The following WNT7A variants were observed in gnomAD, a reference collection of about 807,000 sequenced individuals.
The protein encoded by WNT7A is protein Wnt-7a.
In WNT7A, 16 loss-of-function variants were observed where a neutral mutation model predicts 28.2. The ratio of observed to expected loss-of-function variants is 0.57; its 90% CI spans 0.38 to 0.86. The LOEUF is 0.86. Ranked by LOEUF, WNT7A falls within the 40% of genes least tolerant of loss-of-function variation. The pLI, the probability that WNT7A is intolerant of heterozygous loss-of-function variation, is 0.00. For missense variants in WNT7A, 411 were observed against 489.7 expected, an observed-to-expected ratio of 0.84 and a Z score of 1.52; for synonymous variants, 190 against 195.9, an observed-to-expected ratio of 0.97 and a Z score of 0.25.
chr3:13,842,333 G>A (rs1255923213), intron 3 of WNT7A, among the ~76,000 whole-genome samples: 1 of 151,208 alleles, frequency 6.6e-6, no homozygotes, highest in Non-Finnish European at 1.5e-5. Context: ...TAAGGGAATT[G>A]TTTTGCTACT....
chr3:13,868,316 C>T (rs1694942742), intron 2 of WNT7A, among the ~76,000 whole-genome samples: 1 of 151,860 alleles, frequency 6.6e-6, no homozygotes, highest in African/African-American at 2.4e-5. Flanking sequence ...CACAGTGAGA[C>T]CCGTCTCTAT....
intron 3 of WNT7A, among the ~76,000 whole-genome samples, chr3:13,848,805 G>A (rs1417082384): frequency 6.6e-6 from 1 of 152,156 alleles, no homozygotes; most frequent in Non-Finnish European, 1.5e-5. Flanking sequence ...CATGGACACA[G>A]CAGCTTTATT....
At chr3:13,857,981 T>A (rs1026713620) in intron 2 of WNT7A, among the ~76,000 whole-genome samples, 1 of 152,180 alleles carries the variant, frequency 6.6e-6, no homozygotes, top group African/African-American at 2.4e-5. Flanking sequence ...TTCTTATCTA[T>A]GATGGAGGTA....
intron 2 of WNT7A, among the ~76,000 whole-genome samples, chr3:13,861,505 G>A (rs959456466): frequency 2.6e-5 from 4 of 152,266 alleles, no homozygotes; most frequent in Non-Finnish European, 4.4e-5. Context: ...CCACTCCGTG[G>A]CAGCTGAGGA....
intron 2 of WNT7A, among the ~76,000 whole-genome samples, chr3:13,860,683 T>C (rs1694814936): frequency 6.6e-6 from 1 of 152,148 alleles, no homozygotes. Flanking sequence ...CTGCTGTGCC[T>C]AACCACTCCA....
chr3:13,839,259 A>G (rs1029471479), intron 3 of WNT7A, among the ~76,000 whole-genome samples: 1 of 152,166 alleles, frequency 6.6e-6, no homozygotes, highest in Admixed American at 6.5e-5. Flanking sequence ...CCTGCCCCAG[A>G]CCCACACATG....
At chr3:13,830,667 G>A (rs1022481125) in intron 3 of WNT7A, among the ~76,000 whole-genome samples, 4 of 152,238 alleles carry the variant, frequency 2.6e-5, no homozygotes, top group Admixed American at 1.3e-4. Context: ...TGGTGGCTGT[G>A]ACTGTCTCCC....
At chr3:13,828,577 T>G (rs2124833212) in intron 3 of WNT7A, among the ~76,000 whole-genome samples, 1 of 152,216 alleles carries the variant, frequency 6.6e-6, no homozygotes, top group South Asian at 2.1e-4. Context: ...AGTTGATGGG[T>G]TTTAAGCCAC....
intron 3 of WNT7A, among the ~76,000 whole-genome samples, chr3:13,847,780 G>A (rs1468617338): frequency 2.1e-5 from 3 of 144,486 alleles, no homozygotes; most frequent in African/African-American, 7.5e-5. Flanking sequence ...ACAGAAAGTG[G>A]AAAGGTGGGT....
chr3:13,826,027 T>G lies in WNT7A; in HGVS notation c.571-6604A>C, dbSNP rs141876561. Among the ~76,000 whole-genome samples, 433 of 152,320 alleles carry G rather than the reference T, an allele frequency of 2.8e-3. 2 individuals carry two copies. The highest frequency in any genetic ancestry group is 1.0e-2 in the African/African-American group (415 of 41,566). On this transcript the variant is annotated intron_variant, in intron 3 of 3. Coordinates refer to ENST00000285018, the MANE Select transcript of WNT7A (RefSeq NM_004625.4). ...TGTGCAAGCGGTGCTGCCCGGTGTTTGCAAGGGGAACAGGACCTAGGGCAT... is the reference window on the plus strand; with the variant it reads ...TGTGCAAGCGGTGCTGCCCGGTGTTGGCAAGGGGAACAGGACCTAGGGCAT...
Position 13,816,951 on chromosome 3 carries a change from G to GA in WNT7A, c.*1992dup, listed in dbSNP as rs59652606. The GA allele has an allele frequency of 0.024, 3,707 of 152,100 alleles. 150 individuals are homozygous for GA. Among genetic ancestry groups the GA allele is most frequent in the African/African-American group, 0.082 (3,394 of 41,436 alleles). The allele number at this position is 152,100 out of a possible 1,614,324, so 9.4% of individuals were successfully genotyped here. ...CAGACACCCAAGTAAAAGAAAAATG[G>GA]AAAAAAATGTCCAAGGGAAGAAACC... On this transcript the variant is annotated 3_prime_UTR_variant, in exon 4 of 4. Transcript: ENST00000285018.
chr3:13,830,006 A>G (rs1694252245), intron 3 of WNT7A, among the ~76,000 whole-genome samples: 1 of 152,112 alleles, frequency 6.6e-6, no homozygotes, highest in African/African-American at 2.4e-5. Flanking sequence ...GCTGCCTGGC[A>G]TGGCAACCCC....
chr3:13,828,334 G>A (rs774648447), intron 3 of WNT7A, among the ~76,000 whole-genome samples: 2 of 152,246 alleles, frequency 1.3e-5, no homozygotes, highest in Admixed American at 1.3e-4. Flanking sequence ...GAGGGGGCAA[G>A]GAAGGGGTGC....
intron 3 of WNT7A, among the ~76,000 whole-genome samples, chr3:13,846,107 C>A (rs1694533344): frequency 6.6e-6 from 1 of 152,242 alleles, no homozygotes. Context: ...TGTCCTCTCC[C>A]AGGCAGAAGG....
intron 3 of WNT7A, among the ~76,000 whole-genome samples, chr3:13,825,632 G>A (rs1231253357): frequency 6.6e-6 from 1 of 152,206 alleles, no homozygotes; most frequent in Non-Finnish European, 1.5e-5. Flanking sequence ...CACACCACTG[G>A]CCTGGGAGTG....
At chr3:13,838,200 C>T (rs961666348) in intron 3 of WNT7A, among the ~76,000 whole-genome samples, 1 of 152,176 alleles carries the variant, frequency 6.6e-6, no homozygotes, top group African/African-American at 2.4e-5. Context: ...CTCTGAGCTA[C>T]AAGGAGCTGC....
intron 3 of WNT7A, among the ~76,000 whole-genome samples, chr3:13,845,775 T>C (rs1694528265): frequency 1.3e-5 from 2 of 152,242 alleles, no homozygotes; most frequent in African/African-American, 4.8e-5. Context: ...TGGCCTAGGA[T>C]GTGTGCCACT....
chr3:13,828,190 G>C (rs917423760), intron 3 of WNT7A, among the ~76,000 whole-genome samples: 2 of 152,338 alleles, frequency 1.3e-5, no homozygotes, highest in East Asian at 3.9e-4. Context: ...GCACACAGAA[G>C]ACAAGAGCTG....
chr3:13,846,524 T>G (rs1251985918), intron 3 of WNT7A, among the ~76,000 whole-genome samples: 1 of 152,192 alleles, frequency 6.6e-6, no homozygotes, highest in Non-Finnish European at 1.5e-5. Flanking sequence ...AATGTTGATC[T>G]CATAAGACTA....
Sources: gnomAD v4.1 joint callset for allele counts (sites outside exome capture counted in the v4.1 genomes callset) on GRCh38, gnomAD v4.1.1 for gene constraint, MANE v1.5 for transcripts, NCBI Gene and HGNC (gene_info 2026-07-23, HGNC 2026-07-21) for gene names.